Variants in DLG2 observed in about 807,000 individuals in gnomAD.
The protein encoded by DLG2 is disks large homolog 2.
Under a neutral mutation model 132.5 loss-of-function variants are expected in DLG2, and 45 were observed. The observed-to-expected ratio is 0.34, with a 90% confidence interval of 0.27 to 0.44. The LOEUF (loss-of-function observed/expected upper bound fraction) is 0.44. DLG2 is among the 20% of genes least tolerant of loss of function. The pLI is 1.00. For missense variants in DLG2, 1,045 were observed against 1,196.9 expected (o/e 0.87, Z 1.87); for synonymous variants, 424 against 419.6 (o/e 1.01, Z -0.13).
intron 18 of DLG2, among the ~76,000 whole-genome samples, chr11:83,637,735 T>A (rs2065233642): frequency 6.6e-6 from 1 of 152,176 alleles, no homozygotes; most frequent in Admixed American, 6.5e-5. Context: ...CCTTCATCTA[T>A]TGTGTTAGTC....
chr11:84,454,858 G>C (rs922267983), intron 7 of DLG2, among the ~76,000 whole-genome samples: 2 of 151,480 alleles, frequency 1.3e-5, no homozygotes, highest in African/African-American at 4.8e-5. Context: ...CTTTACACAA[G>C]AGCAAAAGGG....
intron 3 of DLG2, among the ~76,000 whole-genome samples, chr11:85,496,186 T>C (rs547605450): frequency 6.6e-6 from 1 of 152,280 alleles, no homozygotes; most frequent in South Asian, 2.1e-4. Context: ...AGGAACAGTA[T>C]ACTCCTGCCC....
At chr11:84,329,871 G>C (rs2098450688) in intron 7 of DLG2, among the ~76,000 whole-genome samples, 2 of 151,990 alleles carry the variant, frequency 1.3e-5, no homozygotes, top group South Asian at 2.1e-4. Context: ...CATTTTTCCT[G>C]GTCATAATGG....
chr11:83,480,590 A>G lies in DLG2; in HGVS notation c.2293+3539T>C, dbSNP rs200173962. 1.2e-3 allele frequency: 1,799 copies of G among 1,553,774 alleles called. 3 individuals are homozygous for G. The highest frequency in any genetic ancestry group is 3.5e-3 in the Middle Eastern group (21 of 5,972). On this transcript the variant is annotated intron_variant, in intron 22 of 27. Transcript: ENST00000376104. ...TAAAGAAGATGAAAACTTTATCTCCATTTTACAGGAACCCGCTGCTTGATT... is the reference window on the plus strand; with the variant it reads ...TAAAGAAGATGAAAACTTTATCTCCGTTTTACAGGAACCCGCTGCTTGATT...
chr11:84,685,318 C>A (rs968388262), intron 6 of DLG2, among the ~76,000 whole-genome samples: 1 of 152,224 alleles, frequency 6.6e-6, no homozygotes, highest in African/African-American at 2.4e-5. Flanking sequence ...GTCAACAAAT[C>A]TTTGATGAGT....
chr11:85,191,074 T>C (rs915149123), intron 4 of DLG2, among the ~76,000 whole-genome samples: 1 of 152,098 alleles, frequency 6.6e-6, no homozygotes, highest in Non-Finnish European at 1.5e-5. Context: ...CATATGTTCA[T>C]TGCTGCACTA....
At chr11:84,687,795 CA>C (rs916191504) in intron 6 of DLG2, among the ~76,000 whole-genome samples, 47 of 151,344 alleles carry the variant, frequency 3.1e-4, no homozygotes, top group African/African-American at 1.1e-3. Flanking sequence ...CATTAAATGT[CA>C]AAAAAAATGA....
rs1590973779 is a variant in DLG2, at chr11:84,502,242, C to T, written c.519+32328G>A. 8.5e-5 allele frequency among the ~76,000 whole-genome samples: 3 copies of T among 35,288 alleles called. 1 individual carries two copies. Among genetic ancestry groups the T allele is most frequent in the African/African-American group, 1.0e-3 (2 of 2,006 alleles). The allele number at this position is 35,288 out of a possible 152,430, so 23.2% of individuals were successfully genotyped here. On this transcript the variant is annotated intron_variant, in intron 7 of 27. Transcript: ENST00000376104. Reference sequence around the variant, plus strand: ...TCCTTCCTTCCTTCCTTCCTTCCTTCCTTCCTTCCTTCCTTCCTTCCTTCC... The same window carrying T: ...TCCTTCCTTCCTTCCTTCCTTCCTTTCTTCCTTCCTTCCTTCCTTCCTTCC...
At chr11:83,588,775 C>G (rs559482034) in intron 19 of DLG2, among the ~76,000 whole-genome samples, 2,017 of 151,810 alleles carry the variant, frequency 0.013, 45 homozygotes, top group African/African-American at 0.046. Flanking sequence ...CTAGAATAAC[C>G]AATACAGAGA....
intron 3 of DLG2, among the ~76,000 whole-genome samples, chr11:85,358,300 A>G (rs1038644552): frequency 1.3e-5 from 2 of 152,010 alleles, no homozygotes; most frequent in Non-Finnish European, 2.9e-5. Context: ...CAGCTCCCTC[A>G]CTCTCTGTGT....
At chr11:83,857,632 C>G (rs1403146738) in intron 16 of DLG2, among the ~76,000 whole-genome samples, 2 of 152,098 alleles carry the variant, frequency 1.3e-5, no homozygotes, top group Non-Finnish European at 2.9e-5. Flanking sequence ...TTGTCCAAAC[C>G]CTTAGAATGT....
intron 6 of DLG2, among the ~76,000 whole-genome samples, chr11:84,776,576 C>T (rs913687569): frequency 1.2e-4 from 18 of 152,132 alleles, no homozygotes; most frequent in Admixed American, 1.1e-3. Context: ...TCTCCCAATC[C>T]ATATGTCCTG....
intron 6 of DLG2, among the ~76,000 whole-genome samples, chr11:84,883,584 A>C (rs1192308876): frequency 1.3e-5 from 2 of 152,126 alleles, no homozygotes; most frequent in Admixed American, 1.3e-4. Flanking sequence ...ACTTCTCCTC[A>C]CTAATTACTG....
At chr11:84,930,607 AAAAC>A (rs200422719) in intron 6 of DLG2, among the ~76,000 whole-genome samples, 2,994 of 152,188 alleles carry the variant, frequency 0.02, 53 homozygotes, top group Admixed American at 0.043. Flanking sequence ...AAACAAAAAC[AAAAC>A]AAACAGAGAA....
intron 9 of DLG2, among the ~76,000 whole-genome samples, chr11:84,106,202 T>C (rs992450418): frequency 6.6e-6 from 1 of 152,148 alleles, no homozygotes; most frequent in African/African-American, 2.4e-5. Flanking sequence ...GGTTGGCAAA[T>C]AATCTTCCAA....
chr11:84,278,533 A>C (rs1349895797), intron 7 of DLG2, among the ~76,000 whole-genome samples: 1 of 152,072 alleles, frequency 6.6e-6, no homozygotes, highest in Non-Finnish European at 1.5e-5. Flanking sequence ...ATTACAAGAA[A>C]AGCTAATATC....
At chr11:83,708,300 T>C (rs1336976906) in intron 18 of DLG2, among the ~76,000 whole-genome samples, 1 of 152,214 alleles carries the variant, frequency 6.6e-6, no homozygotes, top group East Asian at 1.9e-4. Context: ...TCAATAAATA[T>C]TTGTTGAATG....
At chr11:83,667,101 G>T (rs550574760) in intron 18 of DLG2, among the ~76,000 whole-genome samples, 1 of 152,210 alleles carries the variant, frequency 6.6e-6, no homozygotes, top group East Asian at 1.9e-4. Context: ...CATAAGCCAA[G>T]ACAATGAAAT....
chr11:85,304,238 T>C lies in DLG2; in HGVS notation c.41-18873A>G, dbSNP rs538064510. Among the ~76,000 whole-genome samples the C allele has an allele frequency of 2.3e-4, 35 of 152,264 alleles. No homozygotes were observed. The East Asian group carries it at 4.2e-3, about 18-fold the overall frequency. ...ACATTAATCAAGTTAAATGTTATTG[T>C]TCATCCACTATGCATAGAGCAATAT... On this transcript the variant is annotated intron_variant, in intron 3 of 27. Coordinates refer to ENST00000376104, the MANE Select transcript of DLG2 (RefSeq NM_001142699.3).
Sources: allele counts gnomAD v4.1 joint callset (sites outside exome capture counted in the v4.1 genomes callset), GRCh38; gene constraint gnomAD v4.1.1; transcripts MANE v1.5; gene names NCBI Gene and HGNC (gene_info 2026-07-23, HGNC 2026-07-21).